Variants in KIF3A observed in about 807,000 individuals in gnomAD.
KIF3A encodes the protein kinesin family member 3A.
In KIF3A, 27 loss-of-function variants were observed where a neutral mutation model predicts 92.6. The observed-to-expected ratio is 0.29, with a 90% CI of 0.21 to 0.40. The LOEUF (loss-of-function observed/expected upper bound fraction) is 0.40, where lower values mean the gene tolerates loss of function less well. Among genes scored for constraint, KIF3A ranks in the 10% least tolerant of loss-of-function variants. KIF3A has a pLI of 1.00. For synonymous variants in KIF3A, 250 were observed against 275.4 expected (o/e 0.91, Z 0.92); for missense variants, 581 against 872.6 (o/e 0.67, Z 4.21).
At chr5:132,714,981 TG>T (rs753628058) in intron 8 of KIF3A, among the ~76,000 whole-genome samples, 49 of 152,216 alleles carry the variant, frequency 3.2e-4, no homozygotes, top group Non-Finnish European at 6.0e-4. Flanking sequence ...AATAACTACT[TG>T]TTTACTAAAT....
chr5:132,692,306 A>G (rs912602419), downstream of KIF3A: 4 of 152,240 alleles, frequency 2.6e-5, no homozygotes, highest in African/African-American at 9.6e-5. Flanking sequence ...AGCAGAAAAG[A>G]TAACTATTGG....
At position 132,693,138 on chromosome 5, in the gene KIF3A, C is replaced by T. The variant is rs1319140589; in HGVS notation, c.*3496G>A. On this transcript the variant is annotated 3_prime_UTR_variant, in exon 19 of 19. Transcript: ENST00000403231. ...TACAGAGGAAGTAGCACCACCCCCT[C>T]CCCCAATAAAACCTTAAATTTTTGC... The T allele has an allele frequency of 6.6e-6, 1 of 151,400 alleles. No homozygotes were observed. The highest frequency in any genetic ancestry group is 2.4e-5 in the African/African-American group (1 of 41,068). The allele number at this position is 151,400 out of a possible 1,614,324, so 9.4% of individuals were successfully genotyped here.
At position 132,716,362 on chromosome 5, in the gene KIF3A, G is replaced by T. The variant is rs985992204; in HGVS notation, c.837C>A (p.Thr279=). 1 of 1,613,942 alleles carries T rather than the reference G, an allele frequency of 6.2e-7. No individual in the cohort carries two copies. Among genetic ancestry groups the T allele is most frequent in the African/African-American group, 1.3e-5 (1 of 75,026 alleles). The change falls in exon 7 of 19, where the codon ACC becomes ACA. Residue 279 remains threonine, a synonymous_variant. Transcript: ENST00000403231. ...CCAAGGCAGAAATTACATTACCAAGGGTGGAAAGTGAAAGATTGATTTTTG... is the reference window on the plus strand; with the variant it reads ...CCAAGGCAGAAATTACATTACCAAGTGTGGAAAGTGAAAGATTGATTTTTG... ...EATKINLSLS[T]LGNVISALVD... is the part of the protein sequence containing the mutation.
chr5:132,719,190 T>TC (rs1261221810), intron 5 of KIF3A, among the ~76,000 whole-genome samples: 1 of 152,204 alleles, frequency 6.6e-6, no homozygotes, highest in Admixed American at 6.5e-5. Flanking sequence ...AACCTACATA[T>TC]CCTTCATCTA....
In KIF3A at chr5:132,693,707, C is replaced by G. The variant is rs917402439; in HGVS notation, c.*2927G>C. On this transcript the variant is annotated 3_prime_UTR_variant, in exon 19 of 19. Transcript: ENST00000403231. ...TATTCAGACCAGGCTTGAGGCCAGG[C>G]GTGGTGGCTCACACCTGTAATCCCA... 6.6e-6 allele frequency: 1 copy of G among 152,492 alleles called. No individual in the cohort carries two copies. Among genetic ancestry groups the G allele is most frequent in the African/African-American group, 2.4e-5 (1 of 41,382 alleles). The allele number at this position is 152,492 out of a possible 1,614,324, so 9.4% of individuals were successfully genotyped here.
chr5:132,714,522 C>G (rs954950138), intron 8 of KIF3A, among the ~76,000 whole-genome samples: 44 of 152,238 alleles, frequency 2.9e-4, no homozygotes, highest in African/African-American at 1.1e-3. Context: ...ATAAGCCAGT[C>G]ACAAGTAGAT....
chr5:132,736,922 A>G (rs769805662), intron 1 of KIF3A: 3 of 330,582 alleles, frequency 9.1e-6, no homozygotes, highest in Non-Finnish European at 6.0e-6. Flanking sequence ...TCTGCATCAT[A>G]AGCTAAAGCG....
intron 18 of KIF3A, 142 bp from the exon 19 acceptor site, chr5:132,696,824 G>GT (rs1402094282): frequency 3.2e-6 from 2 of 616,852 alleles, no homozygotes; most frequent in Non-Finnish European, 2.9e-6. Flanking sequence ...CATGGTAAGT[G>GT]TTCAATTAAT....
intron 15 of KIF3A, 34 bp downstream of exon 15, chr5:132,702,053 A>G: frequency 4.4e-6 from 7 of 1,580,198 alleles, no homozygotes; most frequent in Non-Finnish European, 6.1e-6. Context: ...ATCCCAGTCA[A>G]GCGACTATCT....
At chr5:132,724,806 AATATATATATAT>A (rs1167332306) in intron 4 of KIF3A, among the ~76,000 whole-genome samples, 27 of 22,682 alleles carry the variant, frequency 1.2e-3, no homozygotes, top group African/African-American at 4.2e-3. Context: ...AAAAAAAAAA[AATATATATATAT>A]ATATATATAT....
At chr5:132,734,514 C>T (rs1268357452) in intron 1 of KIF3A, 36 bp from the exon 2 acceptor site, 1 of 1,554,638 alleles carries the variant, frequency 6.4e-7, no homozygotes, top group Non-Finnish European at 8.7e-7. Flanking sequence ...ATGAAAAGAA[C>T]ATTAATTTTT....
At chr5:132,722,846 C>T (rs1407764960) in intron 4 of KIF3A, among the ~76,000 whole-genome samples, 1 of 152,184 alleles carries the variant, frequency 6.6e-6, no homozygotes, top group East Asian at 1.9e-4. Context: ...GTTGACACTG[C>T]ATTTGTAGCT....
chr5:132,700,527 A>G, intron 16 of KIF3A, 120 bp downstream of exon 16: 1 of 715,496 alleles, frequency 1.4e-6, no homozygotes. Flanking sequence ...TATCTGCCCT[A>G]CTGGATTCTC....
At position 132,711,068 on chromosome 5, in the gene KIF3A, A is replaced by T; in HGVS notation, c.1130-11T>A. 3 of 1,607,956 alleles carry T rather than the reference A, an allele frequency of 1.9e-6. No homozygotes were observed. The South Asian group carries it at 3.3e-5, about 18-fold the overall frequency. On this transcript the variant is annotated splice_polypyrimidine_tract_variant and intron_variant, in intron 8 of 18. Transcript: ENST00000403231. ...CTGATATTTCTTCTCCTTGGACAGA[A>T]ATTTAATACAATGTTTTTTATCCTG...
intron 2 of KIF3A, among the ~76,000 whole-genome samples, chr5:132,733,463 T>G (rs1237562053): frequency 6.6e-6 from 1 of 151,728 alleles, no homozygotes; most frequent in Non-Finnish European, 1.5e-5. Flanking sequence ...ATGAGAGAAA[T>G]TAAGATATAA....
At chr5:132,713,297 G>A (rs756424948) in intron 8 of KIF3A, among the ~76,000 whole-genome samples, 1 of 152,134 alleles carries the variant, frequency 6.6e-6, no homozygotes, top group Non-Finnish European at 1.5e-5. Flanking sequence ...TTTGAATAAA[G>A]TCCACAGATT....
intron 2 of KIF3A, among the ~76,000 whole-genome samples, chr5:132,727,790 G>A (rs1338318002): frequency 2.0e-5 from 3 of 152,216 alleles, no homozygotes; most frequent in Non-Finnish European, 4.4e-5. Flanking sequence ...GAGGGCTGGA[G>A]TAGTTGGTCA....
chr5:132,734,339 T>C lies in KIF3A; in HGVS notation c.146A>G (p.His49Arg), dbSNP rs111905442. 2.5e-6 allele frequency: 4 copies of C among 1,614,190 alleles called. No homozygotes were observed. Among genetic ancestry groups the C allele is most frequent in the Non-Finnish European group, 3.4e-6 (4 of 1,180,034 alleles). The change falls in exon 2 of 19, where the codon CAT becomes CGT. Residue 49 changes from histidine to arginine, a missense_variant. His to Arg is a conservative substitution (Grantham distance 29). Transcript: ENST00000403231. ...VDEMRGTITV[H>R]KTDSSNEPPK... ...AGGTTCATTGGAAGAATCAGTCTTA[T>C]GTACAGTGATAGTTCCCCTCATCTC...
In KIF3A at chr5:132,696,672, C is replaced by T; in HGVS notation, c.2143G>A (p.Ala715Thr). The T allele has an allele frequency of 6.2e-7, 1 of 1,609,700 alleles. No individual in the cohort carries two copies. Among genetic ancestry groups the T allele is most frequent in the South Asian group, 1.1e-5 (1 of 90,834 alleles). The change falls in exon 19 of 19, where the codon GCA becomes ACA. Residue 715 changes from alanine (A) to threonine (T), a missense_variant. Physicochemically the swap from Ala to Thr is moderately conservative, Grantham distance 58. Transcript: ENST00000403231. ...GAGTCAATTACAGTTTCAGGCTTTG[C>T]AGAACGCTTTCTGTTTGGAGAAGAA... is the stretch of plus-strand genomic sequence containing the variant. ...RPKTGRRKRS[A>T]KPETVIDSLL...
Sources: gnomAD v4.1 joint callset for allele counts (sites outside exome capture counted in the v4.1 genomes callset) on GRCh38, gnomAD v4.1.1 for gene constraint, MANE v1.5 for transcripts, NCBI Gene and HGNC (gene_info 2026-07-23, HGNC 2026-07-21) for gene names.